RASSF5: variants seen among roughly 807,000 people sequenced by gnomAD.
RASSF5 encodes ras association domain-containing protein 5.
In RASSF5, 25 loss-of-function variants were observed where a neutral mutation model predicts 40.5. The observed-to-expected ratio is 0.62, with a 90% CI of 0.45 to 0.86. The LOEUF (loss-of-function observed/expected upper bound fraction) is 0.86. Ranked by LOEUF, RASSF5 falls within the 40% of genes least tolerant of loss-of-function variation. The pLI is 0.00. For synonymous variants in RASSF5, 246 were observed against 252.4 expected, an observed-to-expected ratio of 0.97 and a Z score of 0.24; for missense variants, 521 against 572.8, an observed-to-expected ratio of 0.91 and a Z score of 0.92.
chr1:206,584,286 A>G lies in RASSF5; in HGVS notation c.691-101A>G, dbSNP rs1249257308. On this transcript the variant is annotated intron_variant, in intron 3 of 5. Transcript: ENST00000579436. The surrounding 1 kb of genome is among the most constrained non-coding windows in gnomAD (Gnocchi z 4.9). ...CGTCAGCAGAGGCAGGAAAGAACTCAAGGAGACAGGTGGGTGCTGCTGGGG... is the reference window on the plus strand; with the variant it reads ...CGTCAGCAGAGGCAGGAAAGAACTCGAGGAGACAGGTGGGTGCTGCTGGGG... 3 of 1,178,834 alleles carry G rather than the reference A, an allele frequency of 2.5e-6. No individual in the cohort carries two copies. The highest frequency in any genetic ancestry group is 2.7e-5 in the Admixed American group (1 of 37,454). The allele number at this position is 1,178,834 out of a possible 1,614,324, so 73.0% of individuals were successfully genotyped here.
Position 206,524,662 on chromosome 1 carries a change from A to T in RASSF5, c.458-13510A>T, listed in dbSNP as rs11118967. ...AAATATATATTATATATTATGTATA[A>T]TATATATTATATATAATATATATTT... On this transcript the variant is annotated intron_variant, in intron 1 of 5. Coordinates refer to ENST00000579436, the MANE Select transcript of RASSF5 (RefSeq NM_182663.4). 7.5e-3 allele frequency among the ~76,000 whole-genome samples: 993 copies of T among 133,002 alleles called. 18 individuals carry two copies. Among genetic ancestry groups the T allele is most frequent in the African/African-American group, 0.026 (950 of 36,316 alleles). 87.3% of individuals were successfully genotyped at this position (133,002 alleles called of 152,430 possible).
rs6669685 is a variant in RASSF5 at position 206,560,716 on chromosome 1, T to C, written c.579+22423T>C. ...GTAGATGGTCTCAGTAAGACCATCA[T>C]AGTTACCTCAATCTAAGGTGTTGCC... On this transcript the variant is annotated intron_variant, in intron 2 of 5. Coordinates refer to ENST00000579436, the MANE Select transcript of RASSF5 (RefSeq NM_182663.4). The surrounding 1 kb of genome is among the most constrained non-coding windows in gnomAD (Gnocchi z 5.1). Among the ~76,000 whole-genome samples the C allele has an allele frequency of 0.25, 38,716 of 152,116 alleles. 5,662 individuals carry two copies. The highest frequency in any genetic ancestry group is 0.32 in the Non-Finnish European group (21,812 of 67,966).
At position 206,507,589 on chromosome 1, in the gene RASSF5, G is replaced by T. The variant is rs1268307926; in HGVS notation, c.-14G>T. ...CAAAGCCGCCGCTGCCAAAGCTGCCGCCACTAGCCGGGCATGGCCATGGCG... is the reference window on the plus strand; with the variant it reads ...CAAAGCCGCCGCTGCCAAAGCTGCCTCCACTAGCCGGGCATGGCCATGGCG... On this transcript the variant is annotated 5_prime_UTR_variant, in exon 1 of 6. Coordinates refer to ENST00000579436, the MANE Select transcript of RASSF5 (RefSeq NM_182663.4). The T allele has an allele frequency of 8.1e-6, 12 of 1,487,804 alleles. No homozygotes were observed. Among genetic ancestry groups the T allele is most frequent in the African/African-American group, 4.4e-5 (3 of 68,186 alleles). 92.2% of individuals were successfully genotyped at this position (1,487,804 alleles called of 1,614,324 possible).
intron 3 of RASSF5, 159 bp downstream of exon 3, chr1:206,583,538 G>T: frequency 1.6e-6 from 1 of 617,044 alleles, no homozygotes. Flanking sequence ...CTGATAGCCA[G>T]AGCCCTCAGT....
chr1:206,523,893 T>C (rs2103510375), intron 1 of RASSF5, among the ~76,000 whole-genome samples: 1 of 111,266 alleles, frequency 9.0e-6, no homozygotes, highest in Admixed American at 1.2e-4. Flanking sequence ...ATATTTTTCA[T>C]GTAACATATA....
At chr1:206,577,139 C>T (rs576512082) in intron 2 of RASSF5, among the ~76,000 whole-genome samples, 2 of 152,248 alleles carry the variant, frequency 1.3e-5, no homozygotes, top group African/African-American at 2.4e-5. Flanking sequence ...AACCCAGTCA[C>T]ACTCATCCAG....
intron 3 of RASSF5, 147 bp downstream of exon 3, chr1:206,583,526 G>A: frequency 1.6e-6 from 1 of 636,050 alleles, no homozygotes. Context: ...GGGTCTGGAA[G>A]GCTGATAGCC....
In RASSF5 at chr1:206,583,370, C is replaced by T; in HGVS notation, c.681C>T (p.Gly227=). Residue 227 remains glycine (G), a synonymous_variant, in exon 3 of 6, where the codon GGC becomes GGT. Transcript: ENST00000579436. ...ACACGCGAGAGAAGAACTGCCTGGG[C>T]ATGAAACTGGTAAGCGCCCGTCCAC... ...SYNTREKNCL[G]MKLSEDGTYT... is the part of the protein sequence containing the mutation. 3 of 1,609,596 alleles carry T rather than the reference C, an allele frequency of 1.9e-6. No homozygotes were observed. Among genetic ancestry groups the T allele is most frequent in the Non-Finnish European group, 2.6e-6 (3 of 1,176,032 alleles).
rs183061353 is a variant in RASSF5 at position 206,514,556 on chromosome 1, A to G, written c.457+6497A>G. 1.5e-3 allele frequency among the ~76,000 whole-genome samples: 227 copies of G among 152,256 alleles called. 4 individuals carry two copies. The highest frequency in any genetic ancestry group is 5.4e-4 in the Non-Finnish European group (37 of 68,028). On this transcript the variant is annotated intron_variant, in intron 1 of 5. Coordinates refer to ENST00000579436, the MANE Select transcript of RASSF5 (RefSeq NM_182663.4). ...TCTGCTCCCCATTCCTGTTTTTTGA[A>G]CAAACATATTTCCAGGGTGGGGCAG...
chr1:206,551,001 A>G (rs1219124415), intron 2 of RASSF5, among the ~76,000 whole-genome samples: 5 of 152,194 alleles, frequency 3.3e-5, no homozygotes, highest in Admixed American at 3.3e-4. Flanking sequence ...CTATAGCTTA[A>G]TAACTTTATG....
Position 206,507,702 on chromosome 1 carries a change from C to A in RASSF5, c.100C>A (p.Pro34Thr). ...ACAGAGCCTGAGCGGCCCCGAGCTACCGCCGCCGCCCCCCGACCGGTCCTC... is the reference window on the plus strand; with the variant it reads ...ACAGAGCCTGAGCGGCCCCGAGCTAACGCCGCCGCCCCCCGACCGGTCCTC... Reference protein sequence around the residue: ...YLQSLSGPELPPPPPDRSSRL... With the variant: ...YLQSLSGPELTPPPPDRSSRL... Residue 34 changes from proline (P) to threonine (T), a missense_variant, in exon 1 of 6, where the codon CCG (proline) becomes ACG (threonine). This residue lies in a region of RASSF5 where 237 missense variants were observed against 212.0 expected (regional missense o/e 1.12). Transcript: ENST00000579436. 1 of 1,490,270 alleles carries A rather than the reference C, an allele frequency of 6.7e-7. No homozygotes were observed. Among genetic ancestry groups the A allele is most frequent in the Non-Finnish European group, 8.9e-7 (1 of 1,126,376 alleles). The allele number at this position is 1,490,270 out of a possible 1,614,324, so 92.3% of individuals were successfully genotyped here.
At chr1:206,546,459 CT>C (rs1308616596) in intron 2 of RASSF5, among the ~76,000 whole-genome samples, 1 of 152,012 alleles carries the variant, frequency 6.6e-6, no homozygotes, top group Admixed American at 6.6e-5. Context: ...TTCACTTTTT[CT>C]TTTTTTCTTT....
chr1:206,516,272 G>A (rs144937599), intron 1 of RASSF5, among the ~76,000 whole-genome samples: 2 of 152,234 alleles, frequency 1.3e-5, no homozygotes, highest in Non-Finnish European at 2.9e-5. Context: ...TTTTCCAAAG[G>A]TCAGGAATGA....
Position 206,557,525 on chromosome 1 carries a change from C to G in RASSF5, c.579+19232C>G, listed in dbSNP as rs373175972. On this transcript the variant is annotated intron_variant, in intron 2 of 5. Transcript: ENST00000579436. ...CCACCTCCCTCCGCCGCATCCCAAG[C>G]CCGGCCCCCTTGATGCGCTGGCGGC... 7.9e-5 allele frequency: 127 copies of G among 1,609,452 alleles called. 1 individual carries two copies. The African/African-American group carries it at 1.5e-3, about 18-fold the overall frequency.
chr1:206,507,557 C>T lies in RASSF5; in HGVS notation c.-46C>T. 1 of 1,402,678 alleles carries T rather than the reference C, an allele frequency of 7.1e-7. No individual in the cohort carries two copies. Among genetic ancestry groups the T allele is most frequent in the Non-Finnish European group, 9.4e-7 (1 of 1,069,220 alleles). 86.9% of individuals were successfully genotyped at this position (1,402,678 alleles called of 1,614,324 possible). On this transcript the variant is annotated 5_prime_UTR_variant, in exon 1 of 6. Transcript: ENST00000579436. ...TCTCGGGGCTGGCTCGGGAGTAGCG[C>T]AGTCGCCAAAGCCGCCGCTGCCAAA...
At chr1:206,527,854 G>A (rs1485982835) in intron 1 of RASSF5, among the ~76,000 whole-genome samples, 3 of 152,122 alleles carry the variant, frequency 2.0e-5, no homozygotes, top group Admixed American at 6.5e-5. Context: ...GGAGGGGACG[G>A]TTCTGAGGAA....
chr1:206,586,717 C>G, intron 5 of RASSF5, 109 bp from the exon 6 acceptor site: 1 of 836,994 alleles, frequency 1.2e-6, no homozygotes, highest in Non-Finnish European at 1.9e-6. Context: ...GTGTGTGAAT[C>G]ACGGATGTGA....
At chr1:206,569,395 A>G (rs1668378038) in intron 2 of RASSF5, among the ~76,000 whole-genome samples, 1 of 152,064 alleles carries the variant, frequency 6.6e-6, no homozygotes, top group African/African-American at 2.4e-5. Flanking sequence ...TGTAGATGAA[A>G]CCTCACAGGT....
In RASSF5 at chr1:206,584,748, A is replaced by G. The variant is rs1553407228; in HGVS notation, c.988+64A>G. On this transcript the variant is annotated intron_variant, in intron 4 of 5. Transcript: ENST00000579436. This position sits in a 1 kb window ranked among gnomAD's most constrained non-coding sequence, Gnocchi z 4.9. The stretch of plus-strand genomic sequence containing the variant: ...CTACCTGTGTCCAAGCCCACCCACT[A>G]AAACTCCTGCCGGCCTTGGGTGGGA... 1.3e-6 allele frequency: 2 copies of G among 1,569,634 alleles called. No individual in the cohort carries two copies. Among genetic ancestry groups the G allele is most frequent in the Non-Finnish European group, 1.7e-6 (2 of 1,148,480 alleles).
Sources: allele counts gnomAD v4.1 joint callset (sites outside exome capture counted in the v4.1 genomes callset), GRCh38; gene constraint gnomAD v4.1.1; regional missense constraint gnomAD v4.1.1; non-coding constraint Gnocchi (gnomAD v3.1); transcripts MANE v1.5; gene names NCBI Gene and HGNC (gene_info 2026-07-23, HGNC 2026-07-21).